Variants in KCNA2 observed in about 807,000 individuals in gnomAD.
KCNA2 encodes the protein potassium voltage-gated channel subfamily A member 2, also known as potassium channel, voltage gated shaker related subfamily A, member 2.
A neutral mutation model predicts 33.4 loss-of-function variants in KCNA2; 11 were observed. That is an observed-to-expected ratio of 0.33 (90% CI 0.21 to 0.55). The LOEUF is 0.55. Among genes scored for constraint, KCNA2 ranks in the 20% least tolerant of loss-of-function variants. The pLI is 0.93. For synonymous variants in KCNA2, 222 were observed against 231.3 expected (o/e 0.96, Z 0.37); for missense variants, 291 against 621.6 (o/e 0.47, Z 5.66).
rs990156552 is a variant in KCNA2 at position 110,594,591 on chromosome 1, C to A, written c.*8692G>T. 3 of 985,250 alleles carry A rather than the reference C, an allele frequency of 3.0e-6. No homozygotes were observed. Among genetic ancestry groups the A allele is most frequent in the Non-Finnish European group, 3.6e-6 (3 of 829,946 alleles). 61.0% of individuals were successfully genotyped at this position (985,250 alleles called of 1,614,324 possible). ...GCCAATTTGGCTGGGGTATTGTTTG[C>A]TCAGCAGGCTAGAGCTTGATCATGG... On this transcript the variant is annotated 3_prime_UTR_variant, in exon 3 of 3. Coordinates refer to ENST00000316361, the MANE Select transcript of KCNA2 (RefSeq NM_004974.4).
At position 110,596,787 on chromosome 1, in the gene KCNA2, C is replaced by T. The variant is rs998054467; in HGVS notation, c.*6496G>A. On this transcript the variant is annotated 3_prime_UTR_variant, in exon 3 of 3. Coordinates refer to ENST00000316361, the MANE Select transcript of KCNA2 (RefSeq NM_004974.4). ...TGCAAAGCAATCAGGATGTTCCTGTCCCTGAGGTTTCCCCATCAGTTAACT... is the reference window on the plus strand; with the variant it reads ...TGCAAAGCAATCAGGATGTTCCTGTTCCTGAGGTTTCCCCATCAGTTAACT... The T allele has an allele frequency of 6.1e-6, 6 of 985,328 alleles. No homozygotes were observed. Among genetic ancestry groups the T allele is most frequent in the African/African-American group, 1.7e-5 (1 of 57,240 alleles). The allele number at this position is 985,328 out of a possible 1,614,324, so 61.0% of individuals were successfully genotyped here.
Position 110,594,020 on chromosome 1 carries a change from G to A in KCNA2, c.*9263C>T, listed in dbSNP as rs905903558. ...CCTGCTCCGCCTTCAGCTCTCATTG[G>A]TCCCCAGCCTCTTATCACCATGGAG... On this transcript the variant is annotated 3_prime_UTR_variant, in exon 3 of 3. Coordinates refer to ENST00000316361, the MANE Select transcript of KCNA2 (RefSeq NM_004974.4). The A allele has an allele frequency of 1.3e-6, 2 of 1,536,284 alleles. No individual in the cohort carries two copies. Among genetic ancestry groups the A allele is most frequent in the Non-Finnish European group, 1.8e-6 (2 of 1,141,070 alleles).
chr1:110,622,097 C>A (rs1244442358), intron 1 of KCNA2, among the ~76,000 whole-genome samples: 1 of 151,782 alleles, frequency 6.6e-6, no homozygotes, highest in East Asian at 1.9e-4. Context: ...ACGTACAAAC[C>A]GAATAAAGAC....
Position 110,597,267 on chromosome 1 carries a change from G to A in KCNA2, c.*6016C>T. 6 of 985,462 alleles carry A rather than the reference G, an allele frequency of 6.1e-6. No homozygotes were observed. The highest frequency in any genetic ancestry group is 7.2e-6 in the Non-Finnish European group (6 of 829,938). The allele number at this position is 985,462 out of a possible 1,614,324, so 61.0% of individuals were successfully genotyped here. ...GGAGAAGGGGAAGCAAAAGGATCAA[G>A]TAATGGCTTTTAGTGCATGGAAATG... On this transcript the variant is annotated 3_prime_UTR_variant, in exon 3 of 3. Transcript: ENST00000316361.
At position 110,600,411 on chromosome 1, in the gene KCNA2, T is replaced by C. The variant is rs1393204735; in HGVS notation, c.*2872A>G. On this transcript the variant is annotated 3_prime_UTR_variant, in exon 3 of 3. Coordinates refer to ENST00000316361, the MANE Select transcript of KCNA2 (RefSeq NM_004974.4). ...CTGAGTTTCAGGTTGTATATTTGTA[T>C]GTGGTGTATGTTTGTCTTTTGTGTA... is the stretch of plus-strand genomic sequence containing the variant. 1.0e-6 allele frequency: 1 copy of C among 985,022 alleles called. No individual in the cohort carries two copies. 61.0% of individuals were successfully genotyped at this position (985,022 alleles called of 1,614,324 possible).
upstream of KCNA2, among the ~76,000 whole-genome samples, chr1:110,609,569 G>C (rs1649801387): frequency 6.6e-6 from 1 of 152,168 alleles, no homozygotes; most frequent in Non-Finnish European, 1.5e-5. Flanking sequence ...TGTGCAGGTG[G>C]AATGAGCAGC....
chr1:110,613,255 C>T (rs182591708), intron 1 of KCNA2, among the ~76,000 whole-genome samples: 45 of 152,310 alleles, frequency 3.0e-4, no homozygotes, highest in African/African-American at 9.6e-4. Context: ...GGTCTCCACC[C>T]ACCAACAATA....
At chr1:110,609,120 G>A (rs1454564494), upstream of KCNA2, among the ~76,000 whole-genome samples, 2 of 151,964 alleles carry the variant, frequency 1.3e-5, no homozygotes, top group Non-Finnish European at 2.9e-5. Flanking sequence ...CCTTCTGAAA[G>A]CCTCCCCTGA....
Position 110,601,470 on chromosome 1 carries a change from A to T in KCNA2, c.*1813T>A. The T allele has an allele frequency of 1.0e-6, 1 of 985,612 alleles. No homozygotes were observed. Among genetic ancestry groups the T allele is most frequent in the Non-Finnish European group, 1.2e-6 (1 of 830,062 alleles). The allele number at this position is 985,612 out of a possible 1,614,324, so 61.1% of individuals were successfully genotyped here. A position where few individuals can be genotyped will look rare whatever the true frequency, so the allele number is the denominator to read the frequency against. ...GAAGAGGTGAAAATGGAGATGATGA[A>T]CAGGATGAACTGTAGAGAGGAGGCC... On this transcript the variant is annotated 3_prime_UTR_variant, in exon 3 of 3. Transcript: ENST00000316361.
Position 110,601,039 on chromosome 1 carries a change from C to G in KCNA2, c.*2244G>C, listed in dbSNP as rs944073609. The G allele has an allele frequency of 2.0e-6, 2 of 985,338 alleles. No homozygotes were observed. The highest frequency in any genetic ancestry group is 3.5e-5 in the African/African-American group (2 of 57,226). 61.0% of individuals were successfully genotyped at this position (985,338 alleles called of 1,614,324 possible). A position where few individuals can be genotyped will look rare whatever the true frequency, so the allele number is the denominator to read the frequency against. The stretch of plus-strand genomic sequence containing the variant: ...GCCCAGTCTGGTGAGTTAAAAGCCC[C>G]CTACCTGAAGCCATTTCAGGGTCAA... On this transcript the variant is annotated 3_prime_UTR_variant, in exon 3 of 3. Coordinates refer to ENST00000316361, the MANE Select transcript of KCNA2 (RefSeq NM_004974.4).
At position 110,597,617 on chromosome 1, in the gene KCNA2, G is replaced by C; in HGVS notation, c.*5666C>G. 1.0e-6 allele frequency: 1 copy of C among 985,428 alleles called. No individual in the cohort carries two copies. Among genetic ancestry groups the C allele is most frequent in the Non-Finnish European group, 1.2e-6 (1 of 829,932 alleles). The allele number at this position is 985,428 out of a possible 1,614,324, so 61.0% of individuals were successfully genotyped here. A position where few individuals can be genotyped will look rare whatever the true frequency, so the allele number is the denominator to read the frequency against. On this transcript the variant is annotated 3_prime_UTR_variant, in exon 3 of 3. Coordinates refer to ENST00000316361, the MANE Select transcript of KCNA2 (RefSeq NM_004974.4). ...ATGTGTCCATTCCAGAAGGAGGTCA[G>C]ATCTCAAGAGGACAGGAGTCATGTG...
rs187623779 is a variant in KCNA2, at chr1:110,611,445, C to A, written c.-495-5723G>T. On this transcript the variant is annotated intron_variant, in intron 1 of 4. Coordinates refer to the KCNA2 transcript ENST00000369770. ...TACTGGCTAAATAAAAGAATATGTT[C>A]TTTTATTACAAGGTGGCTCATGCCT... 9.9e-5 allele frequency among the ~76,000 whole-genome samples: 15 copies of A among 152,274 alleles called. No individual in the cohort carries two copies. In the East Asian group the frequency reaches 2.7e-3, roughly 27 times the overall value.
intron 1 of KCNA2, among the ~76,000 whole-genome samples, chr1:110,614,333 A>G (rs1044610803): frequency 6.6e-6 from 1 of 152,228 alleles, no homozygotes; most frequent in African/African-American, 2.4e-5. Context: ...AGTGTGGCCC[A>G]GTTATCCCAG....
At position 110,602,641 on chromosome 1, in the gene KCNA2, C is replaced by G. The variant is rs1412713497; in HGVS notation, c.*642G>C. 1 of 994,870 alleles carries G rather than the reference C, an allele frequency of 1.0e-6. No individual in the cohort carries two copies. Among genetic ancestry groups the G allele is most frequent in the South Asian group, 4.6e-5 (1 of 21,788 alleles). The allele number at this position is 994,870 out of a possible 1,614,324, so 61.6% of individuals were successfully genotyped here. Reference sequence around the variant, plus strand: ...GACAACTCATATTCGGTCATACTAACTGTCCCTCCCCCGGGCTTCCCTCAC... The same window carrying G: ...GACAACTCATATTCGGTCATACTAAGTGTCCCTCCCCCGGGCTTCCCTCAC... On this transcript the variant is annotated 3_prime_UTR_variant, in exon 3 of 3. Coordinates refer to ENST00000316361, the MANE Select transcript of KCNA2 (RefSeq NM_004974.4).
chr1:110,607,356 G>T (rs1297750091), upstream of KCNA2: 1 of 150,886 alleles, frequency 6.6e-6, no homozygotes, highest in Non-Finnish European at 1.5e-5. Context: ...CCGGGAGCCG[G>T]CTCTGCAGTC....
Position 110,600,394 on chromosome 1 carries a change from C to A in KCNA2, c.*2889G>T. The A allele has an allele frequency of 1.0e-6, 1 of 984,552 alleles. No homozygotes were observed. Among genetic ancestry groups the A allele is most frequent in the Non-Finnish European group, 1.2e-6 (1 of 829,764 alleles). The allele number at this position is 984,552 out of a possible 1,614,324, so 61.0% of individuals were successfully genotyped here. ...TTTTATGTATTTTGCATCTGAGTTTCAGGTTGTATATTTGTATGTGGTGTA... is the reference window on the plus strand; with the variant it reads ...TTTTATGTATTTTGCATCTGAGTTTAAGGTTGTATATTTGTATGTGGTGTA... On this transcript the variant is annotated 3_prime_UTR_variant, in exon 3 of 3. Coordinates refer to ENST00000316361, the MANE Select transcript of KCNA2 (RefSeq NM_004974.4).
Position 110,599,456 on chromosome 1 carries a change from G to C in KCNA2, c.*3827C>G. 11 of 985,412 alleles carry C rather than the reference G, an allele frequency of 1.1e-5. No homozygotes were observed. The highest frequency in any genetic ancestry group is 1.3e-5 in the Non-Finnish European group (11 of 829,938). The allele number at this position is 985,412 out of a possible 1,614,324, so 61.0% of individuals were successfully genotyped here. Reference sequence around the variant, plus strand: ...TTGGATGGGAGGCAGGGCATCCAGGGGAGCCCAACAAGAGGAAAAGGAAGA... The same window carrying C: ...TTGGATGGGAGGCAGGGCATCCAGGCGAGCCCAACAAGAGGAAAAGGAAGA... On this transcript the variant is annotated 3_prime_UTR_variant, in exon 3 of 3. Transcript: ENST00000316361.
chr1:110,606,278 T>C lies in KCNA2; in HGVS notation c.-546A>G, dbSNP rs1649600477. ...AGGCCTCCCTCTGAGCCGGGTGGCATTTGAGCTGGGCAGGCGCTCGACCAC... is the reference window on the plus strand; with the variant it reads ...AGGCCTCCCTCTGAGCCGGGTGGCACTTGAGCTGGGCAGGCGCTCGACCAC... On this transcript the variant is annotated 5_prime_UTR_variant, in exon 1 of 3. An upstream start codon of the reference 5' UTR is lost. Coordinates refer to ENST00000316361, the MANE Select transcript of KCNA2 (RefSeq NM_004974.4). 6.6e-6 allele frequency: 1 copy of C among 152,488 alleles called. No homozygotes were observed. The highest frequency in any genetic ancestry group is 2.1e-4 in the South Asian group (1 of 4,836). The allele number at this position is 152,488 out of a possible 1,614,324, so 9.4% of individuals were successfully genotyped here.
intron 1 of KCNA2, among the ~76,000 whole-genome samples, chr1:110,619,814 C>A (rs1178262637): frequency 6.6e-6 from 1 of 152,190 alleles, no homozygotes; most frequent in East Asian, 1.9e-4. Context: ...AACACCTCCC[C>A]TTCCGCATTC....
Sources: gnomAD v4.1 joint callset for allele counts (sites outside exome capture counted in the v4.1 genomes callset) on GRCh38, gnomAD v4.1.1 for gene constraint, MANE v1.5 for transcripts, NCBI Gene and HGNC (gene_info 2026-07-23, HGNC 2026-07-21) for gene names.